Variants in PC observed in about 807,000 individuals in gnomAD.
PC encodes pyruvate carboxylase.
PC carries 46 observed loss-of-function variants against 107.8 expected under a neutral mutation model. The ratio of observed to expected loss-of-function variants is 0.43; its 90% CI spans 0.34 to 0.55. The LOEUF is 0.55. PC is among the 20% of genes least tolerant of loss of function. The pLI is 0.04. For synonymous variants in PC, 662 were observed against 684.7 expected, an observed-to-expected ratio of 0.97 and a Z score of 0.52; for missense variants, 1,241 against 1,643.1, an observed-to-expected ratio of 0.76 and a Z score of 4.23.
At position 66,851,072 on chromosome 11, in the gene PC, C is replaced by T. The variant is rs1451172960; in HGVS notation, c.2191G>A (p.Val731Met). The T allele has an allele frequency of 1.5e-5, 24 of 1,613,106 alleles. No homozygotes were observed. Among genetic ancestry groups the T allele is most frequent in the Non-Finnish European group, 1.9e-5 (22 of 1,180,022 alleles). ...CACAGGATGTGGGTGCCAGCTCGCA[C>T]CAGCTCTTCGGCCAAGCCCATGTAG... ...QYYMGLAEEL[V>M]RAGTHILCIK... is the part of the protein sequence containing the mutation. Residue 731 changes from valine (V) to methionine (M), a missense_variant, in exon 17 of 23, where the codon GTG (valine) becomes ATG (methionine). This residue lies in a region of PC where 1,143 missense variants were observed against 1,551.9 expected (regional missense o/e 0.74). Coordinates refer to ENST00000393960, the MANE Select transcript of PC (RefSeq NM_001040716.2).
intron 3 of PC, among the ~76,000 whole-genome samples, chr11:66,891,052 G>GT (rs1010973225): frequency 3.4e-4 from 52 of 151,094 alleles, no homozygotes; most frequent in African/African-American, 1.2e-3. Context: ...TAGGCATGGG[G>GT]TTTTTTTTTG....
chr11:66,888,166 C>T, intron 3 of PC, among the ~76,000 whole-genome samples: 1 of 152,238 alleles, frequency 6.6e-6, no homozygotes, highest in East Asian at 1.9e-4. Context: ...ACCTGGGTAC[C>T]TTTGGAGGCC....
At chr11:66,903,477 C>A (rs984897388) in intron 3 of PC, among the ~76,000 whole-genome samples, 1 of 151,378 alleles carries the variant, frequency 6.6e-6, no homozygotes, top group Admixed American at 6.6e-5. Context: ...TGGTGGCTCA[C>A]GCCTGTAATC....
intron 12 of PC, 124 bp from the exon 13 acceptor site, chr11:66,853,507 C>T (rs1000951672): frequency 1.8e-6 from 2 of 1,133,894 alleles, no homozygotes; most frequent in African/African-American, 1.5e-5. Context: ...TCTGGGCCTC[C>T]CTGCAGAGGG....
intron 3 of PC, among the ~76,000 whole-genome samples, chr11:66,912,100 A>C (rs1948354213): frequency 6.6e-6 from 1 of 152,228 alleles, no homozygotes; most frequent in South Asian, 2.1e-4. Context: ...AAAGAAATTA[A>C]AAATCTAAAG....
intron 16 of PC, 105 bp downstream of exon 16, chr11:66,851,685 A>T: frequency 8.2e-7 from 1 of 1,214,090 alleles, no homozygotes; most frequent in Non-Finnish European, 1.2e-6. Context: ...GGCCACAGAG[A>T]GACTTGGTGT....
intron 3 of PC, among the ~76,000 whole-genome samples, chr11:66,891,056 T>TTTTTTG (rs1233863724): frequency 2.6e-5 from 4 of 152,192 alleles, no homozygotes; most frequent in Admixed American, 2.0e-4. Flanking sequence ...CATGGGGTTT[T>TTTTTTG]TTTTTGTTTT....
At chr11:66,889,028 C>T (rs1296709518) in intron 3 of PC, among the ~76,000 whole-genome samples, 1 of 152,080 alleles carries the variant, frequency 6.6e-6, no homozygotes, top group Non-Finnish European at 1.5e-5. Context: ...GAGCCGAGAT[C>T]GCGACACCGC....
chr11:66,913,783 C>A (rs886900852), intron 3 of PC, among the ~76,000 whole-genome samples: 9 of 152,100 alleles, frequency 5.9e-5, no homozygotes, highest in Non-Finnish European at 1.3e-4. Context: ...GGAGAGTACC[C>A]CAAAGGATCC....
intron 3 of PC, among the ~76,000 whole-genome samples, chr11:66,942,993 G>T (rs1949182782): frequency 6.6e-6 from 1 of 150,988 alleles, no homozygotes; most frequent in Admixed American, 6.6e-5. Flanking sequence ...TCCAGCCTGG[G>T]CAACGAGAGC....
At chr11:66,935,178 T>G (rs1045889487) in intron 3 of PC, among the ~76,000 whole-genome samples, 1 of 152,222 alleles carries the variant, frequency 6.6e-6, no homozygotes, top group Non-Finnish European at 1.5e-5. Context: ...TACTGCCCAG[T>G]AATAACTTGT....
intron 3 of PC, among the ~76,000 whole-genome samples, chr11:66,883,564 G>A (rs1387210943): frequency 1.3e-5 from 2 of 152,174 alleles, no homozygotes; most frequent in African/African-American, 4.8e-5. Flanking sequence ...CGTGGCGTCT[G>A]TGTCCTCAGC....
At chr11:66,925,078 T>C (rs1948681993) in intron 3 of PC, among the ~76,000 whole-genome samples, 2 of 152,164 alleles carry the variant, frequency 1.3e-5, no homozygotes, top group African/African-American at 4.8e-5. Flanking sequence ...AGAGATCATG[T>C]GCTTCACAAG....
At chr11:66,909,532 G>T (rs1948273721) in intron 3 of PC, among the ~76,000 whole-genome samples, 1 of 152,134 alleles carries the variant, frequency 6.6e-6, no homozygotes, top group South Asian at 2.1e-4. Context: ...CTACTGGATT[G>T]GACCAAAAAT....
chr11:66,859,438 C>G (rs1946103246), intron 12 of PC, among the ~76,000 whole-genome samples: 1 of 152,222 alleles, frequency 6.6e-6, no homozygotes, highest in Admixed American at 6.5e-5. Flanking sequence ...CCCCATTCCC[C>G]TCGCTTGCCT....
chr11:66,854,145 G>A (rs1015447524), intron 12 of PC, among the ~76,000 whole-genome samples: 12 of 152,228 alleles, frequency 7.9e-5, no homozygotes, highest in Non-Finnish European at 1.6e-4. Context: ...CAAGCCAGAG[G>A]ATTCGACCAC....
intron 12 of PC, chr11:66,860,201 G>A (rs1303164504): frequency 5.8e-6 from 9 of 1,542,982 alleles, no homozygotes; most frequent in African/African-American, 4.1e-5. Context: ...TGTGATGGAC[G>A]GGCAGCTTCC....
Position 66,866,234 on chromosome 11 carries a change from TGGTGACCC to T in PC, c.1130_1137del (p.Arg377HisfsTer16). ...TGGAAGCTGCGCGCGGGGTCCTCGG[TGGTGACCC>T]GGCACTGGATGGCACACCCGTTGAT... On this transcript the variant is annotated frameshift_variant, in exon 11 of 23. Coordinates refer to ENST00000393960, the MANE Select transcript of PC (RefSeq NM_001040716.2). LOFTEE classifies it high-confidence loss of function. This position sits in a 1 kb window ranked among gnomAD's most constrained non-coding sequence, Gnocchi z 5.4. The T allele has an allele frequency of 6.2e-7, 1 of 1,612,282 alleles. No individual in the cohort carries two copies. Among genetic ancestry groups the T allele is most frequent in the Middle Eastern group, 1.7e-4 (1 of 5,726 alleles).
chr11:66,933,264 A>C (rs1948907928), intron 3 of PC, among the ~76,000 whole-genome samples: 1 of 152,166 alleles, frequency 6.6e-6, no homozygotes, highest in Admixed American at 6.5e-5. Context: ...AGAAACCGTC[A>C]GATGAGGAGA....
Sources: gnomAD v4.1 joint callset for allele counts (sites outside exome capture counted in the v4.1 genomes callset) on GRCh38, gnomAD v4.1.1 for gene constraint, gnomAD v4.1.1 regional missense constraint, Gnocchi (gnomAD v3.1) non-coding constraint, MANE v1.5 for transcripts, NCBI Gene and HGNC (gene_info 2026-07-23, HGNC 2026-07-21) for gene names.